TEX15: variants seen among roughly 807,000 people sequenced by gnomAD.
The protein encoded by TEX15 is testis-expressed protein 15.
TEX15 carries 171 observed loss-of-function variants against 237.3 expected under a neutral mutation model. That is an observed-to-expected ratio of 0.72 (90% CI 0.64 to 0.82). TEX15 has a LOEUF of 0.82. Among genes scored for constraint, TEX15 ranks in the 40% least tolerant of loss-of-function variants. The probability of loss-of-function intolerance (pLI) is 0.00; values close to 1 mark genes in which losing one functional copy is unlikely to be tolerated. For synonymous variants in TEX15, 1,338 were observed against 1,269.8 expected (o/e 1.05, Z -1.14); for missense variants, 3,750 against 3,646.5 (o/e 1.03, Z -0.73).
At chr8:30,860,411 CCT>C (rs1174828377) in intron 5 of TEX15, among the ~76,000 whole-genome samples, 2 of 151,828 alleles carry the variant, frequency 1.3e-5, no homozygotes, top group Non-Finnish European at 2.9e-5. Flanking sequence ...CGTGCCAGGC[CCT>C]GATTTTTTTT....
At chr8:30,898,972 G>T (rs1265438015) in intron 1 of TEX15, among the ~76,000 whole-genome samples, 155 bp from the exon 2 acceptor site, 3 of 152,060 alleles carry the variant, frequency 2.0e-5, no homozygotes, top group Admixed American at 2.0e-4. Context: ...GGAGGGAGCT[G>T]TCTGTTTTCT....
chr8:30,880,762 GTTATATGCA>G (rs1365605320), intron 3 of TEX15, among the ~76,000 whole-genome samples: 1 of 122,680 alleles, frequency 8.2e-6, no homozygotes, highest in African/African-American at 3.1e-5. Context: ...GGGGGAGTGA[GTTATATGCA>G]GATTTTTCAG....
intron 7 of TEX15, among the ~76,000 whole-genome samples, chr8:30,850,577 T>C (rs1353667340): frequency 6.6e-6 from 1 of 152,170 alleles, no homozygotes; most frequent in Non-Finnish European, 1.5e-5. Flanking sequence ...CAGTAAGCTA[T>C]CATGGAAATA....
At chr8:30,876,968 C>G (rs1808412452) in intron 3 of TEX15, among the ~76,000 whole-genome samples, 1 of 152,152 alleles carries the variant, frequency 6.6e-6, no homozygotes, top group Non-Finnish European at 1.5e-5. Context: ...TCTTCTTTCT[C>G]CTGACTCCAT....
At chr8:30,909,801 A>G (rs767175296) in intron 1 of TEX15, among the ~76,000 whole-genome samples, 4 of 152,176 alleles carry the variant, frequency 2.6e-5, no homozygotes, top group Non-Finnish European at 5.9e-5. Flanking sequence ...TTTGATAAAG[A>G]TAAGTAACAA....
intron 1 of TEX15, among the ~76,000 whole-genome samples, chr8:30,901,045 C>T (rs1176489146): frequency 3.3e-5 from 5 of 151,998 alleles, no homozygotes; most frequent in African/African-American, 1.2e-4. Context: ...GGCTGAGGTG[C>T]GAGGATAACT....
chr8:30,834,009 T>C (rs564976906), intron 10 of TEX15, among the ~76,000 whole-genome samples: 1 of 152,062 alleles, frequency 6.6e-6, no homozygotes, highest in Non-Finnish European at 1.5e-5. Flanking sequence ...TCTGAAACAA[T>C]TACAATCAAG....
At chr8:30,850,568 A>C (rs1807756557) in intron 7 of TEX15, among the ~76,000 whole-genome samples, 1 of 152,238 alleles carries the variant, frequency 6.6e-6, no homozygotes, top group Non-Finnish European at 1.5e-5. Flanking sequence ...TATTACTTAC[A>C]GTAAGCTATC....
chr8:30,850,372 A>G (rs1441420849), intron 7 of TEX15, among the ~76,000 whole-genome samples: 1 of 152,230 alleles, frequency 6.6e-6, no homozygotes, highest in Non-Finnish European at 1.5e-5. Flanking sequence ...AATGTTCACC[A>G]AACATTCATA....
intron 10 of TEX15, among the ~76,000 whole-genome samples, chr8:30,834,313 C>T (rs981657542): frequency 6.6e-6 from 1 of 152,244 alleles, no homozygotes. Context: ...GCTGGGATTA[C>T]AGGCATGTGC....
intron 10 of TEX15, among the ~76,000 whole-genome samples, chr8:30,835,637 T>C (rs1402366125): frequency 6.6e-6 from 1 of 152,206 alleles, no homozygotes; most frequent in Non-Finnish European, 1.5e-5. Flanking sequence ...TTATTTAAAG[T>C]ACATTTTATT....
intron 2 of TEX15, among the ~76,000 whole-genome samples, chr8:30,898,314 C>G (rs574152180): frequency 5.3e-5 from 8 of 152,240 alleles, no homozygotes; most frequent in African/African-American, 1.7e-4. Context: ...ACAGACCCCT[C>G]GTGAATGGGA....
At position 30,843,439 on chromosome 8, in the gene TEX15, T is replaced by C. The variant is rs1434413213; in HGVS notation, c.6728A>G (p.Glu2243Gly). The change falls in exon 8 of 11, where the codon GAA becomes GGA. Residue 2243 changes from glutamate (E) to glycine (G), a missense_variant. Transcript: ENST00000643185. ...AAAATTAACCTTTGAGGAGATCATT[T>C]CTATGATAATCCACAGATGGTCCTG... ...GKQDHLWIIIEMISSKVNFIK... is the reference protein window; with the variant it reads ...GKQDHLWIIIGMISSKVNFIK... The C allele has an allele frequency of 6.2e-7, 1 of 1,613,114 alleles. No homozygotes were observed.
Position 30,875,104 on chromosome 8 carries a change from T to C in TEX15, c.137-2A>G. On this transcript the variant is annotated splice_acceptor_variant, in intron 3 of 10. Coordinates refer to ENST00000643185, the MANE Select transcript of TEX15 (RefSeq NM_001350162.2). LOFTEE classifies it high-confidence loss of function. ...TGGTGTAACAAGGTGACAAGTAAACTAAAGGTAGAAAAAGAGAAAGCAGTT... is the reference window on the plus strand; with the variant it reads ...TGGTGTAACAAGGTGACAAGTAAACCAAAGGTAGAAAAAGAGAAAGCAGTT... The C allele has an allele frequency of 8.1e-7, 1 of 1,237,394 alleles. No individual in the cohort carries two copies. Among genetic ancestry groups the C allele is most frequent in the Non-Finnish European group, 1.0e-6 (1 of 988,796 alleles). 76.7% of individuals were successfully genotyped at this position (1,237,394 alleles called of 1,614,324 possible).
intron 5 of TEX15, among the ~76,000 whole-genome samples, chr8:30,865,148 A>G (rs1387099069): frequency 3.2e-4 from 49 of 152,104 alleles, no homozygotes; most frequent in Admixed American, 3.1e-3. Flanking sequence ...TTATAACTGA[A>G]ACCACAGAAA....
intron 3 of TEX15, among the ~76,000 whole-genome samples, chr8:30,880,964 A>G (rs1337854176): frequency 1.3e-5 from 2 of 151,868 alleles, no homozygotes; most frequent in African/African-American, 2.4e-5. Context: ...CATGCAGACC[A>G]TCATGTTCTC....
intron 3 of TEX15, among the ~76,000 whole-genome samples, chr8:30,883,470 A>G (rs1808579362): frequency 6.6e-6 from 1 of 151,680 alleles, no homozygotes; most frequent in Non-Finnish European, 1.5e-5. Context: ...GGTTTGCTGC[A>G]CCTATTGACC....
intron 3 of TEX15, among the ~76,000 whole-genome samples, chr8:30,876,530 G>A (rs1808403043): frequency 6.6e-6 from 1 of 151,988 alleles, no homozygotes; most frequent in Non-Finnish European, 1.5e-5. Flanking sequence ...GTTTCATCAG[G>A]CACTACAGAT....
chr8:30,869,619 A>G (rs1254033219), intron 4 of TEX15, among the ~76,000 whole-genome samples: 1 of 151,984 alleles, frequency 6.6e-6, no homozygotes, highest in Non-Finnish European at 1.5e-5. Context: ...CTTTCCTTCT[A>G]CCAATCACCT....
Sources: gnomAD v4.1 joint callset for allele counts (sites outside exome capture counted in the v4.1 genomes callset) on GRCh38, gnomAD v4.1.1 for gene constraint, MANE v1.5 for transcripts, NCBI Gene and HGNC (gene_info 2026-07-23, HGNC 2026-07-21) for gene names.